The following ZC3H12B variants were observed in gnomAD, a reference collection of about 807,000 sequenced individuals.
ZC3H12B encodes zinc finger CCCH-type containing 12B.
In ZC3H12B, 7 loss-of-function variants were observed where a neutral mutation model predicts 43.9. That is an observed-to-expected ratio of 0.16 (90% CI 0.09 to 0.30). The LOEUF (loss-of-function observed/expected upper bound fraction) is 0.30. ZC3H12B is among the 10% of genes least tolerant of loss of function. ZC3H12B has a pLI of 1.00. For missense variants in ZC3H12B, 475 were observed against 670.2 expected (o/e 0.71, Z 3.22); for synonymous variants, 222 against 241.7 (o/e 0.92, Z 0.76).
At chrX:65,369,817 G>C (rs2066221769) in intron 2 of ZC3H12B, among the ~76,000 whole-genome samples, 1 of 111,649 alleles carries the variant, frequency 9.0e-6, no homozygotes, top group African/African-American at 3.3e-5. Flanking sequence ...TTTGAGATCT[G>C]TTTGTTTAGC....
intron 3 of ZC3H12B, among the ~76,000 whole-genome samples, chrX:65,451,564 ACTCAGCCTTAAGTAATCCTTCTGC>A (rs1383488290): frequency 1.8e-5 from 2 of 110,283 alleles, no homozygotes; most frequent in Non-Finnish European, 3.8e-5. Context: ...CTGCTTTTGA[ACTCAGCCTTAAGTAATCCTTCTGC>A]CTCAGCCTTC....
chrX:65,428,473 TC>T (rs1264235598), intron 3 of ZC3H12B, among the ~76,000 whole-genome samples: 1 of 112,569 alleles, frequency 8.9e-6, no homozygotes, highest in African/African-American at 3.2e-5. Context: ...TTTTCTCTAT[TC>T]TTGTCTGCCT....
At chrX:65,434,536 A>T (rs1045984521) in intron 3 of ZC3H12B, among the ~76,000 whole-genome samples, 1 of 112,501 alleles carries the variant, frequency 8.9e-6, no homozygotes, top group African/African-American at 3.2e-5. Flanking sequence ...GGCTTCTTAC[A>T]GTAAATTTGG....
At chrX:65,215,126 AG>A in the ZC3H12B span, among the ~76,000 whole-genome samples, 1 of 112,069 alleles carries the variant, frequency 8.9e-6, no homozygotes, top group Non-Finnish European at 1.9e-5. Flanking sequence ...CCATTTACAA[AG>A]CACATGTGGA....
chrX:65,384,320 A>C (rs930648918), intron 2 of ZC3H12B, among the ~76,000 whole-genome samples: 1 of 109,612 alleles, frequency 9.1e-6, no homozygotes, highest in Non-Finnish European at 1.9e-5. Context: ...ATTGAACAAT[A>C]AGAACACATG....
chrX:65,082,159 A>G, the ZC3H12B span, among the ~76,000 whole-genome samples: 2 of 111,727 alleles, frequency 1.8e-5, no homozygotes, highest in Admixed American at 1.9e-4. Context: ...AAGTGTCTAC[A>G]TCAAAAAGGA....
intron 2 of ZC3H12B, among the ~76,000 whole-genome samples, chrX:65,392,585 G>C (rs2066638092): frequency 9.0e-6 from 1 of 111,166 alleles, no homozygotes; most frequent in Admixed American, 9.4e-5. Context: ...ACCCCATCTG[G>C]GAGGTGGGTG....
intron 2 of ZC3H12B, among the ~76,000 whole-genome samples, chrX:65,395,399 G>C (rs1485889799): frequency 8.9e-6 from 1 of 111,998 alleles, no homozygotes; most frequent in Non-Finnish European, 1.9e-5. Context: ...CTAGTTTATT[G>C]AGAGTTTTTA....
intron 3 of ZC3H12B, among the ~76,000 whole-genome samples, chrX:65,480,287 A>G (rs748458200): frequency 2.7e-5 from 3 of 112,362 alleles, no homozygotes; most frequent in African/African-American, 9.7e-5. Context: ...TGTTTTCACT[A>G]TTTTTAATTT....
chrX:65,417,140 G>A (rs754747122), intron 3 of ZC3H12B, among the ~76,000 whole-genome samples: 25 of 111,648 alleles, frequency 2.2e-4, no homozygotes, highest in Admixed American at 1.7e-3. Context: ...TATTCTGTTC[G>A]AATAGGTCTG....
At chrX:65,161,011 G>C in the ZC3H12B span, among the ~76,000 whole-genome samples, 1 of 110,862 alleles carries the variant, frequency 9.0e-6, no homozygotes, top group Admixed American at 9.6e-5. Context: ...CCTTCATTTT[G>C]TTATGTACCC....
the ZC3H12B span, among the ~76,000 whole-genome samples, chrX:65,181,174 T>C: frequency 8.9e-6 from 1 of 111,866 alleles, no homozygotes; most frequent in African/African-American, 3.3e-5. Flanking sequence ...ATTTAATTAA[T>C]GGTGCTGGGA....
chrX:65,392,407 C>A (rs1273380269), intron 2 of ZC3H12B, among the ~76,000 whole-genome samples: 1 of 112,292 alleles, frequency 8.9e-6, no homozygotes, highest in Non-Finnish European at 1.9e-5. Context: ...AGGAGCGCCT[C>A]TGTCCAGCTG....
the ZC3H12B span, among the ~76,000 whole-genome samples, chrX:65,077,851 C>T: frequency 1.2e-4 from 14 of 112,211 alleles, no homozygotes; most frequent in African/African-American, 3.9e-4. Context: ...TCTTGTTCCT[C>T]ACATCTTTAG....
the ZC3H12B span, among the ~76,000 whole-genome samples, chrX:65,105,678 CAG>C: frequency 9.0e-6 from 1 of 111,640 alleles, no homozygotes; most frequent in Non-Finnish European, 1.9e-5. Context: ...TATTCATGAA[CAG>C]GTACCCTGCC....
chrX:65,387,550 G>A (rs933224032), intron 2 of ZC3H12B, among the ~76,000 whole-genome samples: 1 of 111,795 alleles, frequency 8.9e-6, no homozygotes, highest in Admixed American at 9.5e-5. Context: ...ATGTGAGATG[G>A]GTTTCCTGAA....
chrX:65,077,557 C>G, the ZC3H12B span, among the ~76,000 whole-genome samples: 1 of 111,819 alleles, frequency 8.9e-6, no homozygotes, highest in Non-Finnish European at 1.9e-5. Context: ...TGTTGATGAC[C>G]TCATTGTGGG....
At chrX:65,056,751 T>C in the ZC3H12B span, among the ~76,000 whole-genome samples, 4 of 111,783 alleles carry the variant, frequency 3.6e-5, no homozygotes, top group East Asian at 8.4e-4. Flanking sequence ...GTCTAAGGAC[T>C]TGCTTTATGA....
the ZC3H12B span, among the ~76,000 whole-genome samples, chrX:65,066,587 G>A: frequency 2.7e-5 from 3 of 111,869 alleles, no homozygotes; most frequent in South Asian, 1.1e-3. Flanking sequence ...ACCCCTGCTG[G>A]GAGGTATCTC....
Sources: allele counts gnomAD v4.1 joint callset (sites outside exome capture counted in the v4.1 genomes callset), GRCh38; gene constraint gnomAD v4.1.1; transcripts MANE v1.5; gene names NCBI Gene and HGNC (gene_info 2026-07-23, HGNC 2026-07-21).